Variants in KLHL29 observed in about 807,000 individuals in gnomAD.
KLHL29 encodes the protein kelch-like protein 29.
Under a neutral mutation model 80.4 loss-of-function variants are expected in KLHL29, and 21 were observed. That is an observed-to-expected ratio of 0.26 (90% CI 0.19 to 0.38). The LOEUF (loss-of-function observed/expected upper bound fraction) is 0.38. Among genes scored for constraint, KLHL29 ranks in the 10% least tolerant of loss-of-function variants. The pLI, the probability that KLHL29 is intolerant of heterozygous loss-of-function variation, is 1.00. For synonymous variants in KLHL29, 511 were observed against 526.8 expected, an observed-to-expected ratio of 0.97 and a Z score of 0.41; for missense variants, 867 against 1,223.9, an observed-to-expected ratio of 0.71 and a Z score of 4.35.
intron 1 of KLHL29, among the ~76,000 whole-genome samples, chr2:23,472,515 T>G (rs2103436132): frequency 6.6e-6 from 1 of 152,302 alleles, no homozygotes; most frequent in Middle Eastern, 3.4e-3. Context: ...GTGCCTGTAG[T>G]CCCAGCTACT....
chr2:23,481,316 G>A (rs749887691), intron 2 of KLHL29, among the ~76,000 whole-genome samples: 23 of 152,060 alleles, frequency 1.5e-4, no homozygotes, highest in Non-Finnish European at 2.5e-4. Context: ...TCCCTCCTCC[G>A]TTTCCTGCTC....
At chr2:23,614,025 A>G (rs1482665797) in intron 3 of KLHL29, among the ~76,000 whole-genome samples, 2 of 152,156 alleles carry the variant, frequency 1.3e-5, no homozygotes, top group Admixed American at 6.5e-5. Context: ...CAAAGGACAG[A>G]TAGAACTGAA....
intron 8 of KLHL29, among the ~76,000 whole-genome samples, chr2:23,694,862 C>G (rs893243024): frequency 6.6e-5 from 10 of 152,188 alleles, no homozygotes; most frequent in Admixed American, 5.2e-4. Flanking sequence ...AGACACTCCT[C>G]TTGCCCCTCG....
chr2:23,576,534 G>A (rs1240213555), intron 3 of KLHL29, among the ~76,000 whole-genome samples: 3 of 152,022 alleles, frequency 2.0e-5, no homozygotes, highest in Non-Finnish European at 2.9e-5. Context: ...GTACCACATC[G>A]GGTTCCTTGT....
chr2:23,584,485 G>A (rs572063599), intron 3 of KLHL29, among the ~76,000 whole-genome samples: 38 of 152,298 alleles, frequency 2.5e-4, no homozygotes, highest in African/African-American at 8.9e-4. Context: ...CGTAATTTAC[G>A]TCTTGGAAGT....
At chr2:23,677,997 C>T (rs1572488908) in intron 5 of KLHL29, among the ~76,000 whole-genome samples, 1 of 152,344 alleles carries the variant, frequency 6.6e-6, no homozygotes, top group African/African-American at 2.4e-5. Flanking sequence ...TAATGGACTT[C>T]TCTGCTGCAA....
At chr2:23,662,485 C>T (rs1233496068) in intron 5 of KLHL29, among the ~76,000 whole-genome samples, 1 of 152,192 alleles carries the variant, frequency 6.6e-6, no homozygotes, top group African/African-American at 2.4e-5. Flanking sequence ...GAGGCCTTGA[C>T]AGTTTCTAGG....
chr2:23,494,334 C>G (rs1665193334), intron 2 of KLHL29, among the ~76,000 whole-genome samples: 1 of 152,292 alleles, frequency 6.6e-6, no homozygotes, highest in African/African-American at 2.4e-5. Context: ...AAGCAAATAG[C>G]AACACCAAAA....
chr2:23,415,122 T>C (rs1666953322), intron 1 of KLHL29, among the ~76,000 whole-genome samples: 2 of 152,224 alleles, frequency 1.3e-5, no homozygotes, highest in Admixed American at 6.5e-5. Context: ...GTGCTGCAAA[T>C]GCTGCAGTTC....
At chr2:23,506,806 T>C (rs1665612051) in intron 2 of KLHL29, among the ~76,000 whole-genome samples, 1 of 152,158 alleles carries the variant, frequency 6.6e-6, no homozygotes, top group African/African-American at 2.4e-5. Flanking sequence ...AGTGCAAACC[T>C]GAACAGCCTG....
intron 2 of KLHL29, among the ~76,000 whole-genome samples, chr2:23,505,910 G>A (rs1443928742): frequency 1.3e-5 from 2 of 152,160 alleles, no homozygotes; most frequent in Non-Finnish European, 2.9e-5. Context: ...AAAGGGCGTT[G>A]GGGGTCTCTG....
At chr2:23,693,084 G>A (rs376710786) in intron 7 of KLHL29, among the ~76,000 whole-genome samples, 185 bp from the exon 8 acceptor site, 3 of 152,224 alleles carry the variant, frequency 2.0e-5, no homozygotes, top group African/African-American at 7.2e-5. Context: ...TGGGGTAGGG[G>A]AGAACCCAGG....
intron 2 of KLHL29, among the ~76,000 whole-genome samples, chr2:23,523,066 C>T (rs1383179893): frequency 6.6e-6 from 1 of 151,502 alleles, no homozygotes; most frequent in Non-Finnish European, 1.5e-5. Flanking sequence ...GGGGATGGTT[C>T]TCAGAACCTT....
At chr2:23,451,775 T>TA (rs1663885551) in intron 1 of KLHL29, among the ~76,000 whole-genome samples, 1 of 152,238 alleles carries the variant, frequency 6.6e-6, no homozygotes, top group African/African-American at 2.4e-5. Flanking sequence ...CCCACAGGCC[T>TA]GCTATTGGGT....
chr2:23,516,515 A>G (rs1665934046), intron 2 of KLHL29, among the ~76,000 whole-genome samples: 1 of 152,018 alleles, frequency 6.6e-6, no homozygotes, highest in South Asian at 2.1e-4. Flanking sequence ...TCCAGGGACA[A>G]TGCACATAAT....
intron 5 of KLHL29, among the ~76,000 whole-genome samples, chr2:23,646,194 G>A (rs561784818): frequency 1.2e-4 from 18 of 152,014 alleles, no homozygotes; most frequent in South Asian, 4.2e-4. Flanking sequence ...TGGAACCACC[G>A]AGCTAACACA....
At chr2:23,576,792 C>T (rs984129215) in intron 3 of KLHL29, among the ~76,000 whole-genome samples, 5 of 152,220 alleles carry the variant, frequency 3.3e-5, no homozygotes, top group African/African-American at 1.2e-4. Flanking sequence ...TATTCTGTGT[C>T]CCTCGCCTCC....
intron 3 of KLHL29, among the ~76,000 whole-genome samples, chr2:23,638,042 G>A (rs1274276037): frequency 7.1e-6 from 1 of 140,788 alleles, no homozygotes; most frequent in Non-Finnish European, 1.5e-5. Context: ...TTGCCAGCAT[G>A]TATCCAGGAT....
chr2:23,660,036 T>G (rs1670361722), intron 5 of KLHL29, among the ~76,000 whole-genome samples: 1 of 151,992 alleles, frequency 6.6e-6, no homozygotes, highest in South Asian at 2.1e-4. Context: ...ACCACCCCTA[T>G]CTAGACCTAT....
Sources: allele counts gnomAD v4.1 joint callset (sites outside exome capture counted in the v4.1 genomes callset), GRCh38; gene constraint gnomAD v4.1.1; transcripts MANE v1.5; gene names NCBI Gene and HGNC (gene_info 2026-07-23, HGNC 2026-07-21).